The following PTH2R variants were observed in gnomAD, a reference collection of about 807,000 sequenced individuals.
The protein encoded by PTH2R is parathyroid hormone 2 receptor.
A neutral mutation model predicts 60.3 loss-of-function variants in PTH2R; 59 were observed. The observed-to-expected ratio is 0.98, with a 90% CI of 0.79 to 1.22. PTH2R has a LOEUF of 1.22. Ranked by LOEUF, PTH2R falls within the 50% of genes most tolerant of loss-of-function variation. PTH2R has a pLI of 0.00. For missense variants in PTH2R, 749 were observed against 682.6 expected (o/e 1.10, Z -1.08); for synonymous variants, 256 against 243.8 (o/e 1.05, Z -0.47).
chr2:208,492,730 G>A (rs935247585), intron 12 of PTH2R, among the ~76,000 whole-genome samples: 5 of 152,092 alleles, frequency 3.3e-5, no homozygotes, highest in African/African-American at 7.2e-5. Flanking sequence ...CATCAGGTGT[G>A]TGCTGGCTAG....
chr2:208,446,782 A>G (rs1368682441), intron 7 of PTH2R, among the ~76,000 whole-genome samples: 3 of 152,220 alleles, frequency 2.0e-5, no homozygotes, highest in Non-Finnish European at 4.4e-5. Context: ...TCTTTCTCTT[A>G]TCTCAACACT....
chr2:208,388,135 C>CA lies in PTH2R; in HGVS notation c.-259+27898_-259+27899insA, dbSNP rs1030152675. ...CCATTCTGGCTAACATGGTGAAACC[C>CA]CCCCCCCCGTCTCTACTAAAAATAC... On this transcript the variant is annotated intron_variant, in intron 1 of 12. Transcript: ENST00000617735. 1.3e-4 allele frequency among the ~76,000 whole-genome samples: 20 copies of CA among 148,458 alleles called. 1 individual carries two copies. The highest frequency in any genetic ancestry group is 6.6e-4 in the South Asian group (3 of 4,534).
chr2:208,410,691 C>A (rs1433920004), intron 1 of PTH2R, among the ~76,000 whole-genome samples: 2 of 152,096 alleles, frequency 1.3e-5, no homozygotes, highest in African/African-American at 4.8e-5. Flanking sequence ...GGTATGATAT[C>A]ATTTACATAC....
Position 208,489,038 on chromosome 2 carries a change from T to C in PTH2R, c.1103T>C (p.Leu368Pro), listed in dbSNP as rs764076507. 3 of 1,614,028 alleles carry C rather than the reference T, an allele frequency of 1.9e-6. No homozygotes were observed. The highest frequency in any genetic ancestry group is 1.7e-5 in the Admixed American group (1 of 60,004). The change falls in exon 11 of 13, where the codon CTG becomes CCG. Residue 368 changes from leucine (L) to proline (P), a missense_variant. Leu to Pro is a moderately conservative substitution (Grantham distance 98, BLOSUM62 -3). Coordinates refer to ENST00000272847, the MANE Select transcript of PTH2R (RefSeq NM_005048.4). ...AAACTGGCCAAATCGACACTGGTCC[T>C]GGTCCTAGTCTTTGGAGTGCATTAC... ...YRKLAKSTLV[L>P]VLVFGVHYIV...
intron 2 of PTH2R, 42 bp from the exon 3 acceptor site, chr2:208,437,495 A>C: frequency 6.6e-7 from 1 of 1,525,382 alleles, no homozygotes; most frequent in Non-Finnish European, 8.9e-7. Flanking sequence ...TTCTAACTAC[A>C]TTTTTCTTTG....
At chr2:208,409,901 T>A (rs975431136) in intron 1 of PTH2R, among the ~76,000 whole-genome samples, 1 of 152,148 alleles carries the variant, frequency 6.6e-6, no homozygotes, top group African/African-American at 2.4e-5. Flanking sequence ...TAGGATGGAA[T>A]TGGGGTGCTA....
chr2:208,390,703 G>T (rs1574831457), intron 1 of PTH2R, among the ~76,000 whole-genome samples: 1 of 152,164 alleles, frequency 6.6e-6, no homozygotes, highest in Non-Finnish European at 1.5e-5. Context: ...CACCCTGAGG[G>T]TGCTACAGTA....
chr2:208,490,896 A>G (rs1015165509), intron 12 of PTH2R, among the ~76,000 whole-genome samples: 20 of 152,214 alleles, frequency 1.3e-4, no homozygotes, highest in Non-Finnish European at 2.8e-4. Context: ...ACTCATCTGT[A>G]CACTCTGACA....
chr2:208,443,302 T>G, intron 5 of PTH2R, 46 bp from the exon 6 acceptor site: 1 of 1,468,290 alleles, frequency 6.8e-7, no homozygotes, highest in Non-Finnish European at 9.1e-7. Context: ...GTTTCCCCCA[T>G]TTTTAATTTT....
chr2:208,414,735 T>A (rs1701604875), intron 1 of PTH2R, among the ~76,000 whole-genome samples: 1 of 152,184 alleles, frequency 6.6e-6, no homozygotes, highest in Non-Finnish European at 1.5e-5. Context: ...AAGCTAAGAA[T>A]GATTTTCACA....
chr2:208,413,729 T>C (rs1275917957), intron 1 of PTH2R, among the ~76,000 whole-genome samples: 1 of 152,238 alleles, frequency 6.6e-6, no homozygotes, highest in African/African-American at 2.4e-5. Flanking sequence ...TGAATAATGT[T>C]ACAACTAAAA....
intron 8 of PTH2R, among the ~76,000 whole-genome samples, chr2:208,455,348 A>G (rs1048617605): frequency 2.0e-5 from 3 of 152,208 alleles, no homozygotes; most frequent in African/African-American, 7.2e-5. Flanking sequence ...ATCATCCCAT[A>G]TTAGAGATAA....
In PTH2R at chr2:208,428,267, T is replaced by C. The variant is rs773546849; in HGVS notation, c.142T>C (p.Cys48Arg). The change falls in exon 2 of 13, where the codon TGT becomes CGT. Residue 48 changes from cysteine (C) to arginine (R), a missense_variant. Cys to Arg is a radical substitution (Grantham distance 180). Coordinates refer to ENST00000272847, the MANE Select transcript of PTH2R (RefSeq NM_005048.4). ...IVLVLKAKVQ[C>R]ELNITAQLQE... ...CCTTGTGCTGAAAGCGAAAGTACAA[T>C]GTGAACTCAACATCACAGCTCAACT... 11 of 1,613,506 alleles carry C rather than the reference T, an allele frequency of 6.8e-6. No homozygotes were observed. Among genetic ancestry groups the C allele is most frequent in the East Asian group, 2.2e-5 (1 of 44,868 alleles).
At chr2:208,472,979 C>T (rs762460988) in intron 9 of PTH2R, among the ~76,000 whole-genome samples, 2 of 152,198 alleles carry the variant, frequency 1.3e-5, no homozygotes, top group African/African-American at 2.4e-5. Flanking sequence ...ACAGTTTTTG[C>T]TCTTTCTTGC....
Position 208,459,954 on chromosome 2 carries a change from C to T in PTH2R, c.974C>T (p.Ala325Val), listed in dbSNP as rs1453135714. 1.2e-6 allele frequency: 2 copies of T among 1,612,332 alleles called. No homozygotes were observed. Among genetic ancestry groups the T allele is most frequent in the East Asian group, 2.2e-5 (1 of 44,848 alleles). Residue 325 changes from alanine (A) to valine (V), a missense_variant, in exon 9 of 13, where the codon GCT becomes GTT. By Grantham distance (64) the Ala-to-Val change is moderately conservative. Transcript: ENST00000272847. ...KWIYQAPILAAIGLNFILFLN... is the reference protein window; with the variant it reads ...KWIYQAPILAVIGLNFILFLN... Reference sequence around the variant, plus strand: ...ATTTATCAAGCACCGATCTTAGCAGCTATTGGGGTAAGTTTAAAAGTTTGT... The same window carrying T: ...ATTTATCAAGCACCGATCTTAGCAGTTATTGGGGTAAGTTTAAAAGTTTGT...
At chr2:208,422,518 A>G (rs1487375009) in intron 1 of PTH2R, among the ~76,000 whole-genome samples, 1 of 152,248 alleles carries the variant, frequency 6.6e-6, no homozygotes, top group Non-Finnish European at 1.5e-5. Flanking sequence ...TCACTTTAGG[A>G]AAGATATATT....
intron 2 of PTH2R, among the ~76,000 whole-genome samples, chr2:208,431,666 G>A (rs778410057): frequency 1.3e-5 from 2 of 152,178 alleles, no homozygotes; most frequent in African/African-American, 2.4e-5. Flanking sequence ...CTGAAGGATG[G>A]TTTTATTTCT....
intron 10 of PTH2R, among the ~76,000 whole-genome samples, chr2:208,484,466 C>A (rs1355126067): frequency 6.6e-6 from 1 of 152,138 alleles, no homozygotes; most frequent in East Asian, 1.9e-4. Context: ...CAATCATTTA[C>A]CCTAAAACAA....
intron 1 of PTH2R, among the ~76,000 whole-genome samples, chr2:208,425,969 G>T (rs918304851): frequency 6.6e-6 from 1 of 152,158 alleles, no homozygotes; most frequent in South Asian, 2.1e-4. Flanking sequence ...TATGTAATGT[G>T]TAGGGCTTTT....
Sources: allele counts gnomAD v4.1 joint callset (sites outside exome capture counted in the v4.1 genomes callset), GRCh38; gene constraint gnomAD v4.1.1; transcripts MANE v1.5; gene names NCBI Gene and HGNC (gene_info 2026-07-23, HGNC 2026-07-21).